Variants in FAM135A observed in about 807,000 individuals in gnomAD.
FAM135A encodes family with sequence similarity 135 member A.
FAM135A carries 79 observed loss-of-function variants against 146.8 expected under a neutral mutation model. That is an observed-to-expected ratio of 0.54 (90% CI 0.45 to 0.65). The LOEUF (loss-of-function observed/expected upper bound fraction) is 0.65. FAM135A is among the 30% of genes least tolerant of loss of function. The probability of loss-of-function intolerance (pLI) is 0.00; values close to 1 mark genes in which losing one functional copy is unlikely to be tolerated. For synonymous variants in FAM135A, 562 were observed against 603.6 expected (o/e 0.93, Z 1.01); for missense variants, 1,623 against 1,758.2 (o/e 0.92, Z 1.38).
intron 2 of FAM135A, among the ~76,000 whole-genome samples, chr6:70,424,278 A>G (rs1166896853): frequency 6.6e-6 from 1 of 152,234 alleles, no homozygotes; most frequent in Admixed American, 6.5e-5. Context: ...CAAGTTACAC[A>G]GTCACAAGCC....
rs187538637 is a variant in FAM135A at position 70,498,095 on chromosome 6, G to T, written c.874-4541G>T. Among the ~76,000 whole-genome samples the T allele has an allele frequency of 3.1e-3, 466 of 152,200 alleles. 3 individuals carry two copies. Among genetic ancestry groups the T allele is most frequent in the African/African-American group, 0.011 (445 of 41,544 alleles). ...TCTAGTAGAATTCGGCTGTGAATCT[G>T]TCTGGTCCTGGGCTTTTTTTGGTTG... is the stretch of plus-strand genomic sequence containing the variant. On this transcript the variant is annotated intron_variant, in intron 11 of 21. Transcript: ENST00000418814.
chr6:70,450,089 A>G (rs1433768483), intron 4 of FAM135A, among the ~76,000 whole-genome samples: 2 of 152,118 alleles, frequency 1.3e-5, no homozygotes, highest in Non-Finnish European at 2.9e-5. Flanking sequence ...CACTTTGCCC[A>G]TTTTTTAATT....
chr6:70,532,911 G>A (rs923464787), intron 16 of FAM135A, among the ~76,000 whole-genome samples: 5 of 150,996 alleles, frequency 3.3e-5, no homozygotes, highest in Non-Finnish European at 2.9e-5. Flanking sequence ...CAGCTTGGGC[G>A]ACAGAGCAAG....
intron 20 of FAM135A, among the ~76,000 whole-genome samples, chr6:70,544,746 TA>T (rs145349270): frequency 1.3e-5 from 2 of 148,722 alleles, no homozygotes; most frequent in African/African-American, 5.0e-5. Context: ...CTCAAAAACT[TA>T]AAAAAAAATA....
At chr6:70,496,262 G>T (rs904928367) in intron 11 of FAM135A, among the ~76,000 whole-genome samples, 6 of 152,120 alleles carry the variant, frequency 3.9e-5, no homozygotes, top group African/African-American at 1.4e-4. Context: ...GACCAGTGAT[G>T]ATAAGCTTTT....
At chr6:70,555,191 A>C (rs1001440804) in intron 20 of FAM135A, among the ~76,000 whole-genome samples, 2 of 152,170 alleles carry the variant, frequency 1.3e-5, no homozygotes, top group Non-Finnish European at 2.9e-5. Flanking sequence ...TTTCTCTTGT[A>C]AAGTGGGAAA....
rs150995960 is a variant in FAM135A at position 70,558,467 on chromosome 6, G to A, written c.4343-1249G>A. 3.4e-3 allele frequency among the ~76,000 whole-genome samples: 523 copies of A among 152,264 alleles called. 3 individuals are homozygous for A. Among genetic ancestry groups the A allele is most frequent in the African/African-American group, 0.012 (485 of 41,554 alleles). On this transcript the variant is annotated intron_variant, in intron 21 of 21. Transcript: ENST00000418814. ...ACATTTATGTGGATGTATTCTAATC[G>A]TTATCTTTTATGTGCTTAGTATGAC...
intron 19 of FAM135A, among the ~76,000 whole-genome samples, chr6:70,537,426 C>A (rs1415096923): frequency 6.6e-6 from 1 of 152,108 alleles, no homozygotes; most frequent in Non-Finnish European, 1.5e-5. Flanking sequence ...TTTCCTGTAT[C>A]CCATTTCAAG....
chr6:70,530,041 G>A (rs1420736015), intron 16 of FAM135A, among the ~76,000 whole-genome samples: 5 of 151,864 alleles, frequency 3.3e-5, no homozygotes, highest in African/African-American at 7.3e-5. Context: ...TTCAGCCTGG[G>A]CTACAGACTA....
At position 70,507,224 on chromosome 6, in the gene FAM135A, C is replaced by T. The variant is rs528114633; in HGVS notation, c.1029+4433C>T. On this transcript the variant is annotated intron_variant, in intron 12 of 21. Coordinates refer to ENST00000418814, the MANE Select transcript of FAM135A (RefSeq NM_001162529.3). ...GTTACTCAAGCAGGAATAAGCTTTG[C>T]CCTTCCCTGCAGTGTATCACAAAAA... 2.0e-5 allele frequency among the ~76,000 whole-genome samples: 3 copies of T among 152,208 alleles called. No individual in the cohort carries two copies. In the South Asian group the frequency reaches 6.2e-4, roughly 32 times the overall value.
intron 2 of FAM135A, among the ~76,000 whole-genome samples, chr6:70,417,259 CT>C (rs746838449): frequency 0.029 from 4,035 of 141,020 alleles, 85 homozygotes; most frequent in African/African-American, 0.074. Flanking sequence ...TAGACTGGGA[CT>C]TTTTTTTTTT....
At chr6:70,413,763 C>G (rs530599836) in intron 1 of FAM135A, 61 bp downstream of exon 1, 15 of 974,416 alleles carry the variant, frequency 1.5e-5, no homozygotes, top group Non-Finnish European at 1.3e-5. Flanking sequence ...CCCCTCCCTC[C>G]GTCCCTCTTG....
chr6:70,543,623 T>G (rs1053136471), intron 20 of FAM135A, among the ~76,000 whole-genome samples: 1 of 152,230 alleles, frequency 6.6e-6, no homozygotes, highest in Non-Finnish European at 1.5e-5. Context: ...ATGCTTCTTA[T>G]GTGAGAAAAA....
At chr6:70,445,498 G>A (rs565906635) in intron 4 of FAM135A, among the ~76,000 whole-genome samples, 27 of 152,206 alleles carry the variant, frequency 1.8e-4, no homozygotes, top group Admixed American at 1.1e-3. Context: ...ATTTACCCAC[G>A]TATTTATTAA....
chr6:70,463,030 G>C (rs942059014), intron 5 of FAM135A, among the ~76,000 whole-genome samples: 1 of 152,190 alleles, frequency 6.6e-6, no homozygotes, highest in South Asian at 2.1e-4. Flanking sequence ...TAGTTCTGCT[G>C]TGTTAAGATT....
chr6:70,458,808 CAAGGCAAAG>C (rs1005168444), intron 5 of FAM135A, among the ~76,000 whole-genome samples: 61 of 152,254 alleles, frequency 4.0e-4, no homozygotes, highest in African/African-American at 1.4e-3. Flanking sequence ...TCTGAAAAAA[CAAGGCAAAG>C]AAGGCTGCCA....
chr6:70,550,128 T>C (rs1175617053), intron 20 of FAM135A, among the ~76,000 whole-genome samples: 1 of 152,216 alleles, frequency 6.6e-6, no homozygotes, highest in Non-Finnish European at 1.5e-5. Flanking sequence ...ACATCTGCAG[T>C]TACTTTCTTC....
At chr6:70,533,733 G>A in intron 17 of FAM135A, 24 bp from the exon 18 acceptor site, 2 of 1,360,002 alleles carry the variant, frequency 1.5e-6, no homozygotes, top group Non-Finnish European at 2.0e-6. Context: ...CAAATATAAT[G>A]TATGTGCTTT....
chr6:70,553,842 G>C (rs1416389469), intron 20 of FAM135A, among the ~76,000 whole-genome samples: 1 of 152,194 alleles, frequency 6.6e-6, no homozygotes, highest in Non-Finnish European at 1.5e-5. Context: ...AGTGATACTG[G>C]TAAGAGGAGA....
Sources: allele counts gnomAD v4.1 joint callset (sites outside exome capture counted in the v4.1 genomes callset), GRCh38; gene constraint gnomAD v4.1.1; transcripts MANE v1.5; gene names NCBI Gene and HGNC (gene_info 2026-07-23, HGNC 2026-07-21).